Variants in SMCHD1 observed in about 807,000 individuals in gnomAD.
SMCHD1 encodes structural maintenance of chromosomes flexible hinge domain-containing protein 1.
In SMCHD1, 78 loss-of-function variants were observed where a neutral mutation model predicts 254.7. That is an observed-to-expected ratio of 0.31 (90% confidence interval 0.26 to 0.37). The LOEUF (loss-of-function observed/expected upper bound fraction) is 0.37. Among genes scored for constraint, SMCHD1 ranks in the 10% least tolerant of loss-of-function variants. SMCHD1 has a pLI of 1.00. For synonymous variants in SMCHD1, 766 were observed against 794.9 expected (o/e 0.96, Z 0.61); for missense variants, 1,840 against 2,408.1 (o/e 0.76, Z 4.94).
chr18:2,794,981 AAAGTT>A (rs1221854323), intron 45 of SMCHD1, among the ~76,000 whole-genome samples: 1 of 152,210 alleles, frequency 6.6e-6, no homozygotes, highest in Non-Finnish European at 1.5e-5. Flanking sequence ...TAATTTAAGA[AAAGTT>A]AAGTTTTTTG....
At chr18:2,781,743 A>G (rs2076160297) in intron 44 of SMCHD1, among the ~76,000 whole-genome samples, 1 of 152,312 alleles carries the variant, frequency 6.6e-6, no homozygotes, top group East Asian at 1.9e-4. Flanking sequence ...CTAACTGAAC[A>G]GGTTTAACAT....
rs1166079572 is a variant in SMCHD1, at chr18:2,705,805, A to G, written c.1954A>G (p.Met652Val). The change falls in exon 14 of 48, where the codon ATG (methionine) becomes GTG (valine). Residue 652 changes from methionine to valine, a missense_variant and splice_region_variant. Met to Val is a conservative substitution (Grantham distance 21). Coordinates refer to ENST00000320876, the MANE Select transcript of SMCHD1 (RefSeq NM_015295.3). ...TACAGGAGGAGAGGTTCAAATTGCA[A>G]TGGTAAGACAGCAAGTGATAAAACA... Reference protein sequence around the residue: ...YATGGEVQIAMEPQALYDEVR... With the variant: ...YATGGEVQIAVEPQALYDEVR... The G allele has an allele frequency of 1.3e-5, 20 of 1,544,074 alleles. No homozygotes were observed. Among genetic ancestry groups the G allele is most frequent in the Non-Finnish European group, 1.7e-5 (19 of 1,121,824 alleles).
intron 46 of SMCHD1, 41 bp from the exon 47 acceptor site, chr18:2,796,366 T>C: frequency 7.9e-7 from 1 of 1,264,712 alleles, no homozygotes; most frequent in Non-Finnish European, 1.1e-6. Flanking sequence ...TTCCATTGTT[T>C]TTATTGTAAA....
At chr18:2,774,573 C>G (rs995744761) in intron 41 of SMCHD1, among the ~76,000 whole-genome samples, 7 of 151,898 alleles carry the variant, frequency 4.6e-5, no homozygotes, top group African/African-American at 1.7e-4. Flanking sequence ...ACCATGCCCC[C>G]CTAATTTTTT....
At chr18:2,698,934 A>T (rs549524568) in intron 10 of SMCHD1, among the ~76,000 whole-genome samples, 125 of 152,100 alleles carry the variant, frequency 8.2e-4, no homozygotes, top group African/African-American at 2.8e-3. Context: ...CATTTTCACT[A>T]TTGTTCCTTT....
chr18:2,663,963 C>T (rs112349688), intron 1 of SMCHD1, among the ~76,000 whole-genome samples: 3,694 of 152,208 alleles, frequency 0.024, 136 homozygotes, highest in African/African-American at 0.083. Flanking sequence ...GATCCACCCT[C>T]CTCAGCCTCC....
chr18:2,664,428 T>C (rs2073381343), intron 1 of SMCHD1, among the ~76,000 whole-genome samples: 1 of 152,210 alleles, frequency 6.6e-6, no homozygotes, highest in South Asian at 2.1e-4. Context: ...ACCAGTCTCT[T>C]TAGTTTTCCT....
At chr18:2,795,245 G>A (rs943622047) in intron 45 of SMCHD1, among the ~76,000 whole-genome samples, 1 of 152,094 alleles carries the variant, frequency 6.6e-6, no homozygotes, top group Non-Finnish European at 1.5e-5. Flanking sequence ...TTTTATTAGA[G>A]ACGGGGTTTC....
intron 28 of SMCHD1, 40 bp from the exon 29 acceptor site, chr18:2,743,721 T>G (rs1206611647): frequency 6.7e-7 from 1 of 1,485,558 alleles, no homozygotes; most frequent in Non-Finnish European, 9.1e-7. Flanking sequence ...GAACACTAAG[T>G]GATACCCCCT....
chr18:2,738,739 C>T (rs2143533403), intron 26 of SMCHD1, among the ~76,000 whole-genome samples, 194 bp downstream of exon 26: 1 of 152,272 alleles, frequency 6.6e-6, no homozygotes, highest in East Asian at 1.9e-4. Context: ...AATTGGCCTT[C>T]TAGTAGCTGG....
At chr18:2,683,171 A>G (rs374427136) in intron 5 of SMCHD1, among the ~76,000 whole-genome samples, 1 of 151,988 alleles carries the variant, frequency 6.6e-6, no homozygotes, top group Non-Finnish European at 1.5e-5. Context: ...ATCAGAGAGT[A>G]TTTTCAACTT....
chr18:2,763,614 T>G (rs1395573229), intron 36 of SMCHD1, 23 bp from the exon 37 acceptor site: 1 of 1,532,650 alleles, frequency 6.5e-7, no homozygotes. Context: ...TTTCTCTAAT[T>G]GTTTTCCATT....
At chr18:2,662,667 C>CAAAAAAAAAAAAAAAAAAAAAAACA (rs745838636) in intron 1 of SMCHD1, among the ~76,000 whole-genome samples, 8 of 35,648 alleles carry the variant, frequency 2.2e-4, no homozygotes, top group East Asian at 9.3e-4. Context: ...AACAAAAAAC[C>CAAAAAAAAAAAAAAAAAAAAAAACA]AAAAAAAAAA....
chr18:2,773,198 T>C (rs528783245), intron 41 of SMCHD1, among the ~76,000 whole-genome samples: 5 of 152,260 alleles, frequency 3.3e-5, no homozygotes, highest in Admixed American at 1.3e-4. Flanking sequence ...AACTGAAAAA[T>C]TGAATTTTAA....
chr18:2,663,839 C>T (rs1265167774), intron 1 of SMCHD1, among the ~76,000 whole-genome samples: 5 of 152,020 alleles, frequency 3.3e-5, no homozygotes, highest in African/African-American at 4.8e-5. Flanking sequence ...CTCAGCCTCC[C>T]GAGTAGTTGG....
chr18:2,750,088 G>A lies in SMCHD1; in HGVS notation c.3973G>A (p.Ala1325Thr), dbSNP rs2075542752. 5 of 1,579,822 alleles carry A rather than the reference G, an allele frequency of 3.2e-6. No individual in the cohort carries two copies. In the East Asian group the frequency reaches 1.1e-4, roughly 36 times the overall value. ...QQHKTDEKGRANLGVFSVFAP... is the reference protein window; with the variant it reads ...QQHKTDEKGRTNLGVFSVFAP... ...GCATAAAACAGATGAGAAAGGCAGGGCTAATTTGGGAGTATTCAGTGTTTT... is the reference window on the plus strand; with the variant it reads ...GCATAAAACAGATGAGAAAGGCAGGACTAATTTGGGAGTATTCAGTGTTTT... Residue 1325 changes from alanine (A) to threonine (T), a missense_variant, in exon 31 of 48, where the codon GCT (alanine) becomes ACT (threonine). Physicochemically the swap from Ala to Thr is moderately conservative, Grantham distance 58. This residue lies in a region of SMCHD1 where 881 missense variants were observed against 1,009.5 expected (regional missense o/e 0.87). Coordinates refer to ENST00000320876, the MANE Select transcript of SMCHD1 (RefSeq NM_015295.3).
At chr18:2,691,257 G>A (rs1011885675) in intron 7 of SMCHD1, among the ~76,000 whole-genome samples, 2 of 152,172 alleles carry the variant, frequency 1.3e-5, no homozygotes, top group African/African-American at 4.8e-5. Context: ...AAAACTGTGT[G>A]CATATTACAA....
intron 34 of SMCHD1, among the ~76,000 whole-genome samples, chr18:2,755,784 A>G (rs116999961): frequency 0.031 from 4,642 of 150,592 alleles, 103 homozygotes; most frequent in South Asian, 0.056. Flanking sequence ...AGCCAGGATG[A>G]TCTCGATCTT....
chr18:2,705,823 A>G lies in SMCHD1; in HGVS notation c.1956+16A>G, dbSNP rs756663198. On this transcript the variant is annotated intron_variant, in intron 14 of 47. Coordinates refer to ENST00000320876, the MANE Select transcript of SMCHD1 (RefSeq NM_015295.3). Reference sequence around the variant, plus strand: ...AATTGCAATGGTAAGACAGCAAGTGATAAAACATACTGAAAGTTTCTTGAT... The same window carrying G: ...AATTGCAATGGTAAGACAGCAAGTGGTAAAACATACTGAAAGTTTCTTGAT... The G allele has an allele frequency of 9.1e-6, 13 of 1,426,860 alleles. No individual in the cohort carries two copies. The African/African-American group carries it at 1.8e-4, about 20-fold the overall frequency. The allele number at this position is 1,426,860 out of a possible 1,614,324, so 88.4% of individuals were successfully genotyped here.
Sources: gnomAD v4.1 joint callset for allele counts (sites outside exome capture counted in the v4.1 genomes callset) on GRCh38, gnomAD v4.1.1 for gene constraint, gnomAD v4.1.1 regional missense constraint, MANE v1.5 for transcripts, NCBI Gene and HGNC (gene_info 2026-07-23, HGNC 2026-07-21) for gene names.